Variants in POMT2 observed in about 807,000 individuals in gnomAD.
POMT2 encodes protein O-mannosyltransferase 2.
Under a neutral mutation model 100.0 loss-of-function variants are expected in POMT2, and 75 were observed. The observed-to-expected ratio is 0.75, with a 90% CI of 0.62 to 0.91. POMT2 has a LOEUF of 0.91. POMT2 is among the 40% of genes least tolerant of loss of function. POMT2 has a pLI of 0.00. For missense variants in POMT2, 940 were observed against 955.1 expected (o/e 0.98, Z 0.21); for synonymous variants, 378 against 374.1 (o/e 1.01, Z -0.12).
intron 11 of POMT2, chr14:77,287,420 G>A (rs893623766): frequency 1.3e-5 from 2 of 150,456 alleles, no homozygotes; most frequent in Admixed American, 1.3e-4. Flanking sequence ...TTTTATTAAT[G>A]ACAAATGAAA....
chr14:77,296,128 A>T, intron 9 of POMT2, 36 bp downstream of exon 9: 1 of 1,480,454 alleles, frequency 6.8e-7, no homozygotes, highest in Non-Finnish European at 9.3e-7. Flanking sequence ...GGCGAACAGC[A>T]TTGCTGCCGT....
chr14:77,308,609 G>C, intron 2 of POMT2: 1 of 299,568 alleles, frequency 3.3e-6, no homozygotes, highest in South Asian at 2.6e-5. Flanking sequence ...GCCCGCCTCG[G>C]CTTCCCAATG....
Position 77,311,995 on chromosome 14 carries a change from T to G in POMT2, c.287A>C (p.Tyr96Ser). Reference sequence around the variant, plus strand: ...ATCAAAGAAAAATGTACGGTTGATATAGTAACTTCCCATTTTTCCAAAGTG... The same window carrying G: ...ATCAAAGAAAAATGTACGGTTGATAGAGTAACTTCCCATTTTTCCAAAGTG... ...ETHFGKMGSY[Y>S]INRTFFFDVH... The change falls in exon 2 of 21, where the codon TAT (tyrosine) becomes TCT (serine). Residue 96 changes from tyrosine (Y) to serine (S), a missense_variant. Transcript: ENST00000261534. 2 of 1,614,128 alleles carry G rather than the reference T, an allele frequency of 1.2e-6. No homozygotes were observed. Among genetic ancestry groups the G allele is most frequent in the Non-Finnish European group, 1.7e-6 (2 of 1,179,996 alleles).
At chr14:77,303,806 A>G (rs1891136482) in intron 4 of POMT2, among the ~76,000 whole-genome samples, 1 of 152,174 alleles carries the variant, frequency 6.6e-6, no homozygotes, top group Middle Eastern at 3.2e-3. Flanking sequence ...AGGACATCAC[A>G]TGACAGACTT....
chr14:77,303,862 C>T (rs1328180573), intron 4 of POMT2, among the ~76,000 whole-genome samples: 5 of 152,226 alleles, frequency 3.3e-5, no homozygotes, highest in African/African-American at 1.2e-4. Context: ...ATGAGGTAAG[C>T]TCAATGAGAC....
Position 77,301,092 on chromosome 14 carries a change from A to G in POMT2, c.814T>C (p.Leu272=), listed in dbSNP as rs558198190. The G allele has an allele frequency of 2.1e-5, 34 of 1,613,972 alleles. No individual in the cohort carries two copies. Among genetic ancestry groups the G allele is most frequent in the South Asian group, 1.6e-4 (15 of 91,086 alleles). The change falls in exon 6 of 21, where the codon TTG becomes CTG. Residue 272 remains leucine (L), a splice_region_variant and synonymous_variant. Coordinates refer to ENST00000261534, the MANE Select transcript of POMT2 (RefSeq NM_013382.7). ...WYLFGDLSLS[L]VTVGKHLTAR... ...ACAGCAAACCCTTGGGTGCTCACCA[A>G]TGAAAGACTGAGGTCTCCGAACAGG... is the stretch of plus-strand genomic sequence containing the variant.
chr14:77,312,185 AT>A, intron 1 of POMT2, 152 bp from the exon 2 acceptor site: 1 of 1,322,374 alleles, frequency 7.6e-7, no homozygotes, highest in Non-Finnish European at 1.0e-6. Context: ...GACACAAGTG[AT>A]TTTAGGAAGA....
intron 18 of POMT2, chr14:77,279,358 G>A: frequency 2.7e-6 from 1 of 367,652 alleles, no homozygotes; most frequent in Non-Finnish European, 5.3e-6. Context: ...AAGTTACCAA[G>A]AACAGCACTG....
chr14:77,300,499 A>ATC (rs1167412867), intron 6 of POMT2: 6 of 161,186 alleles, frequency 3.7e-5, no homozygotes, highest in Admixed American at 2.9e-4. Flanking sequence ...GCCTCCAAAT[A>ATC]TGGAGACCGT....
intron 2 of POMT2, among the ~76,000 whole-genome samples, chr14:77,311,317 C>T (rs1238858524): frequency 9.2e-5 from 14 of 152,146 alleles, no homozygotes; most frequent in Admixed American, 9.2e-4. Flanking sequence ...ATTCCTATTT[C>T]TTTTTTCTTT....
At chr14:77,320,093 A>G (rs745991291) in intron 1 of POMT2, among the ~76,000 whole-genome samples, 1 of 152,164 alleles carries the variant, frequency 6.6e-6, no homozygotes, top group Non-Finnish European at 1.5e-5. Context: ...CTCAGGCCTT[A>G]GAAAATTCTG....
intron 1 of POMT2, among the ~76,000 whole-genome samples, chr14:77,316,729 G>T (rs999223635): frequency 6.6e-5 from 10 of 152,176 alleles, no homozygotes; most frequent in African/African-American, 1.7e-4. Context: ...AGGGGTTCCT[G>T]TAAATGCTTA....
intron 4 of POMT2, among the ~76,000 whole-genome samples, 164 bp downstream of exon 4, chr14:77,304,528 C>T (rs929422173): frequency 6.6e-6 from 1 of 152,214 alleles, no homozygotes; most frequent in Non-Finnish European, 1.5e-5. Flanking sequence ...TATTGATATA[C>T]ATTAAGTATT....
rs2139552052 is a variant in POMT2 at position 77,320,652 on chromosome 14, T to C, written c.30A>G (p.Ala10=). 1.3e-6 allele frequency: 2 copies of C among 1,593,768 alleles called. No homozygotes were observed. The part of the protein sequence containing the change: MPPATGGGL[A]ESELRPRRGR... ...CCCTCCGGGGACGCAGCTCGGACTC[T>C]GCCAGGCCTCCGCCCGTGGCCGGCG... The change falls in exon 1 of 21, where the codon GCA becomes GCG. Residue 10 remains alanine, a synonymous_variant. Coordinates refer to ENST00000261534, the MANE Select transcript of POMT2 (RefSeq NM_013382.7).
At chr14:77,320,188 TA>T in intron 1 of POMT2, 1 of 646,722 alleles carries the variant, frequency 1.5e-6, no homozygotes, top group African/African-American at 1.8e-5. Flanking sequence ...CACTGTAGCA[TA>T]ACCTGGAAGA....
Position 77,296,256 on chromosome 14 carries a change from C to T in POMT2, c.1024G>A (p.Val342Met), listed in dbSNP as rs1198909311. Residue 342 changes from valine to methionine, a missense_variant, in exon 9 of 21, where the codon GTG (valine) becomes ATG (methionine). Val to Met is a conservative substitution (Grantham distance 21, BLOSUM62 1). Coordinates refer to ENST00000261534, the MANE Select transcript of POMT2 (RefSeq NM_013382.7). Reference sequence around the variant, plus strand: ...ATCCGGAGGTTCTTCACAGTGATCACAGAGCCGTAGGCCAGGTCTGGGAGG... The same window carrying T: ...ATCCGGAGGTTCTTCACAGTGATCATAGAGCCGTAGGCCAGGTCTGGGAGG... ...SIPEHLAYGS[V>M]ITVKNLRMAI... 1.2e-6 allele frequency: 2 copies of T among 1,604,156 alleles called. No individual in the cohort carries two copies. The highest frequency in any genetic ancestry group is 2.7e-5 in the African/African-American group (2 of 74,846).
Position 77,280,078 on chromosome 14 carries a change from G to A in POMT2, c.1728C>T (p.Gly576=). 6.2e-7 allele frequency: 1 copy of A among 1,613,838 alleles called. No individual in the cohort carries two copies. The highest frequency in any genetic ancestry group is 8.5e-7 in the Non-Finnish European group (1 of 1,180,014). The change falls in exon 17 of 21, where the codon GGC becomes GGT. Residue 576 remains glycine (G), a splice_region_variant and synonymous_variant. Coordinates refer to ENST00000261534, the MANE Select transcript of POMT2 (RefSeq NM_013382.7). ...TGTCATTGACCCCTGAGAAGCGTAG[G>A]CCCTGTGGAATAGAGACCACCCTGC... ...KPWHWPINYQ[G]LRFSGVNDTD...
At chr14:77,287,044 G>T in intron 11 of POMT2, 1 of 853,794 alleles carries the variant, frequency 1.2e-6, no homozygotes. Context: ...GATGGTAGGA[G>T]CACTGGACGG....
At chr14:77,301,711 G>A (rs1029433485) in intron 5 of POMT2, among the ~76,000 whole-genome samples, 2 of 152,108 alleles carry the variant, frequency 1.3e-5, no homozygotes, top group Non-Finnish European at 2.9e-5. Context: ...TCTTCTAGCC[G>A]TCACTACAGC....
Sources: allele counts gnomAD v4.1 joint callset (sites outside exome capture counted in the v4.1 genomes callset), GRCh38; gene constraint gnomAD v4.1.1; transcripts MANE v1.5; gene names NCBI Gene and HGNC (gene_info 2026-07-23, HGNC 2026-07-21).